Variants in NTM observed in about 807,000 individuals in gnomAD.
The protein encoded by NTM is neurotrimin, also known as IgLON family member 2.
NTM carries 13 observed loss-of-function variants against 42.1 expected under a neutral mutation model. The observed-to-expected ratio is 0.31, with a 90% CI of 0.20 to 0.49. The LOEUF (loss-of-function observed/expected upper bound fraction) is 0.49. Among genes scored for constraint, NTM ranks in the 20% least tolerant of loss-of-function variants. The pLI is 0.99. For missense variants in NTM, 373 were observed against 452.8 expected (o/e 0.82, Z 1.60); for synonymous variants, 187 against 179.2 (o/e 1.04, Z -0.35).
At chr11:131,888,964 C>T (rs966273662) in intron 1 of NTM, among the ~76,000 whole-genome samples, 2 of 151,354 alleles carry the variant, frequency 1.3e-5, no homozygotes, top group Non-Finnish European at 1.5e-5. Flanking sequence ...TTTGTACCTT[C>T]GGTGCAGCCT....
At chr11:131,706,145 A>G (rs1018520084) in intron 1 of NTM, among the ~76,000 whole-genome samples, 3 of 152,078 alleles carry the variant, frequency 2.0e-5, no homozygotes, top group Admixed American at 6.5e-5. Context: ...AGAAGAAGAT[A>G]ATACATGCAG....
intron 5 of NTM, 127 bp from the exon 6 acceptor site, chr11:132,309,985 G>GCTTGAACCT: frequency 8.7e-7 from 1 of 1,154,890 alleles, no homozygotes; most frequent in African/African-American, 1.6e-5. Flanking sequence ...GAACCCGGGA[G>GCTTGAACCT]GCAGAACGTG....
At chr11:132,095,122 G>A (rs2060806550) in intron 2 of NTM, among the ~76,000 whole-genome samples, 1 of 152,192 alleles carries the variant, frequency 6.6e-6, no homozygotes, top group Admixed American at 6.5e-5. Context: ...TTGTCTGAGA[G>A]GGCTCACTCT....
chr11:132,212,561 G>A (rs927877422), intron 4 of NTM, among the ~76,000 whole-genome samples: 6 of 152,192 alleles, frequency 3.9e-5, no homozygotes, highest in Non-Finnish European at 7.3e-5. Flanking sequence ...CTCCAAGTCT[G>A]TGCCTCTGCA....
At chr11:132,295,148 A>G (rs1245521295) in intron 4 of NTM, among the ~76,000 whole-genome samples, 2 of 152,048 alleles carry the variant, frequency 1.3e-5, no homozygotes, top group African/African-American at 2.4e-5. Context: ...ACACAAACAC[A>G]CACACACACA....
chr11:131,562,867 G>A (rs955045602), intron 1 of NTM, among the ~76,000 whole-genome samples: 3 of 152,138 alleles, frequency 2.0e-5, no homozygotes, highest in African/African-American at 7.2e-5. Context: ...AATAATTTGG[G>A]GACCCATTTC....
At chr11:131,876,973 C>G (rs1334307980) in intron 1 of NTM, among the ~76,000 whole-genome samples, 1 of 152,046 alleles carries the variant, frequency 6.6e-6, no homozygotes, top group Admixed American at 6.5e-5. Context: ...ATTCTTGTGC[C>G]ACAGCCTCCC....
Position 131,840,456 on chromosome 11 carries a change from A to G in NTM, c.83-71108A>G, listed in dbSNP as rs77490135. The stretch of plus-strand genomic sequence containing the variant: ...GATGGACCAAGTAAGAGGAGGTCTG[A>G]GGATCGACCATGAGATTTGAAAACA... On this transcript the variant is annotated intron_variant, in intron 1 of 8. Transcript: ENST00000683400. Among the ~76,000 whole-genome samples the G allele has an allele frequency of 1.8e-3, 278 of 152,304 alleles. 2 individuals carry two copies. Among genetic ancestry groups the G allele is most frequent in the African/African-American group, 6.4e-3 (266 of 41,568 alleles).
intron 2 of NTM, among the ~76,000 whole-genome samples, chr11:132,066,523 T>C (rs551540761): frequency 6.6e-6 from 1 of 152,318 alleles, no homozygotes; most frequent in South Asian, 2.1e-4. Flanking sequence ...AAGTGTATTC[T>C]CTCACAGTTC....
At chr11:132,230,788 CTG>C (rs3029587) in intron 4 of NTM, among the ~76,000 whole-genome samples, 5,095 of 152,270 alleles carry the variant, frequency 0.033, 128 homozygotes, top group Non-Finnish European at 0.048. Context: ...CAATAGGAGA[CTG>C]AGGGAGGAGG....
At position 131,688,239 on chromosome 11, in the gene NTM, G is replaced by T. The variant is rs577730544; in HGVS notation, c.83-223325G>T. On this transcript the variant is annotated intron_variant, in intron 1 of 8. Transcript: ENST00000683400. ...TGGAGAACAGGCTCCCGGGGCGGGG[G>T]AGGGCCCCTCTCAGCGGACTCCAGA... is the stretch of plus-strand genomic sequence containing the variant. Among the ~76,000 whole-genome samples the T allele has an allele frequency of 2.5e-3, 376 of 152,282 alleles. 2 individuals carry two copies. Among genetic ancestry groups the T allele is most frequent in the African/African-American group, 8.8e-3 (367 of 41,584 alleles).
At chr11:131,880,089 C>T (rs180685874) in intron 1 of NTM, among the ~76,000 whole-genome samples, 1 of 152,306 alleles carries the variant, frequency 6.6e-6, no homozygotes, top group Admixed American at 6.5e-5. Flanking sequence ...CCTACCCTCT[C>T]CCACATGCAC....
chr11:132,091,247 C>CA (rs2060340348), intron 2 of NTM, among the ~76,000 whole-genome samples: 1 of 151,526 alleles, frequency 6.6e-6, no homozygotes, highest in Admixed American at 6.6e-5. Flanking sequence ...TACACACATA[C>CA]AAAAAAACAA....
At chr11:131,848,507 A>G (rs1367492344) in intron 1 of NTM, among the ~76,000 whole-genome samples, 1 of 152,194 alleles carries the variant, frequency 6.6e-6, no homozygotes, top group Admixed American at 6.5e-5. Flanking sequence ...AATGGATATT[A>G]TTACAGAGAA....
chr11:131,778,568 CA>C (rs2087480834), intron 1 of NTM, among the ~76,000 whole-genome samples: 1 of 152,130 alleles, frequency 6.6e-6, no homozygotes, highest in Non-Finnish European at 1.5e-5. Context: ...GCTTCTACCA[CA>C]AATTACAAGT....
intron 1 of NTM, among the ~76,000 whole-genome samples, chr11:131,904,188 C>A (rs2053551406): frequency 6.6e-6 from 1 of 152,052 alleles, no homozygotes; most frequent in Non-Finnish European, 1.5e-5. Context: ...AGGAATAAAA[C>A]CTCTAAAGAA....
chr11:131,786,048 A>G (rs992006296), intron 1 of NTM, among the ~76,000 whole-genome samples: 2 of 152,192 alleles, frequency 1.3e-5, no homozygotes, highest in Non-Finnish European at 2.9e-5. Context: ...ACTTCAGAGC[A>G]GGTGGAGACA....
chr11:131,767,832 T>G (rs1292833709), intron 1 of NTM, among the ~76,000 whole-genome samples: 1 of 152,088 alleles, frequency 6.6e-6, no homozygotes, highest in Non-Finnish European at 1.5e-5. Flanking sequence ...AGAGAAAGGC[T>G]TTATTCATGA....
chr11:132,279,540 C>A (rs112867567), intron 4 of NTM, among the ~76,000 whole-genome samples: 1 of 152,182 alleles, frequency 6.6e-6, no homozygotes, highest in Non-Finnish European at 1.5e-5. Context: ...ACGTTAAATC[C>A]CAGGCTCAAA....
Sources: gnomAD v4.1 joint callset for allele counts (sites outside exome capture counted in the v4.1 genomes callset) on GRCh38, gnomAD v4.1.1 for gene constraint, MANE v1.5 for transcripts, NCBI Gene and HGNC (gene_info 2026-07-23, HGNC 2026-07-21) for gene names.